The following MARCHF5 variants were observed in gnomAD, a reference collection of about 807,000 sequenced individuals.
MARCHF5 encodes E3 ubiquitin-protein ligase MARCHF5.
MARCHF5 carries 5 observed loss-of-function variants against 36.5 expected under a neutral mutation model. The ratio of observed to expected loss-of-function variants is 0.14; its 90% CI spans 0.07 to 0.29. MARCHF5 has a LOEUF of 0.29. Among genes scored for constraint, MARCHF5 ranks in the 10% least tolerant of loss-of-function variants. The pLI is 1.00. For missense variants in MARCHF5, 179 were observed against 336.3 expected (o/e 0.53, Z 3.66); for synonymous variants, 103 against 109.9 (o/e 0.94, Z 0.39).
At chr10:92,333,004 T>TA (rs766694702) in intron 2 of MARCHF5, among the ~76,000 whole-genome samples, 1 of 151,628 alleles carries the variant, frequency 6.6e-6, no homozygotes, top group Non-Finnish European at 1.5e-5. Flanking sequence ...CTACTAAAAA[T>TA]ACAAAATTAG....
intron 2 of MARCHF5, among the ~76,000 whole-genome samples, chr10:92,318,530 G>A (rs1429266787): frequency 1.3e-5 from 2 of 151,808 alleles, no homozygotes; most frequent in Non-Finnish European, 2.9e-5. Context: ...AGACCAGCCT[G>A]GGGAACATGG....
At chr10:92,300,170 A>AAAAAG (rs1196739158) in intron 1 of MARCHF5, among the ~76,000 whole-genome samples, 1 of 151,278 alleles carries the variant, frequency 6.6e-6, no homozygotes, top group African/African-American at 2.4e-5. Context: ...CTCAAAAAAA[A>AAAAAG]AAAAGAAAAG....
rs60920040 is a variant in MARCHF5 at position 92,296,000 on chromosome 10, G to A, written c.35+4471G>A. ...GCGTGATTCTCCTGCCTTAGCTTCC[G>A]GAGTAGCTGGGATTACAGGCATGTG... On this transcript the variant is annotated intron_variant, in intron 1 of 5. Transcript: ENST00000358935. Among the ~76,000 whole-genome samples, 460 of 151,414 alleles carry A rather than the reference G, an allele frequency of 3.0e-3. 1 individual carries two copies. Among genetic ancestry groups the A allele is most frequent in the African/African-American group, 0.01 (422 of 41,272 alleles).
At position 92,353,717 on chromosome 10, in the gene MARCHF5, C is replaced by G. The variant is rs1843746866; in HGVS notation, c.*2510C>G. 1 of 147,550 alleles carries G rather than the reference C, an allele frequency of 6.8e-6. No individual in the cohort carries two copies. The highest frequency in any genetic ancestry group is 2.6e-5 in the African/African-American group (1 of 38,796). 9.1% of individuals were successfully genotyped at this position (147,550 alleles called of 1,614,324 possible). ...CTGGAAACTTTAATGTTTTAAACCT[C>G]TTTTATAAAATTCAATGACGACTAC... On this transcript the variant is annotated 3_prime_UTR_variant, in exon 6 of 6. Transcript: ENST00000358935.
Position 92,351,169 on chromosome 10 carries a change from C to T in MARCHF5, c.799C>T (p.Arg267Cys), listed in dbSNP as rs199734214. Residue 267 changes from arginine to cysteine, a missense_variant, in exon 6 of 6, where the codon CGC becomes TGC. Physicochemically the swap from Arg to Cys is radical, Grantham distance 180 (BLOSUM62 -3). Transcript: ENST00000358935. ...KQQQYLRQAH[R>C]KILNYPEQEE... is the part of the protein sequence containing the mutation. Reference sequence around the variant, plus strand: ...GCAGCAATATTTACGACAGGCACACCGCAAAATTCTGAATTATCCAGAACA... The same window carrying T: ...GCAGCAATATTTACGACAGGCACACTGCAAAATTCTGAATTATCCAGAACA... The T allele has an allele frequency of 5.6e-6, 9 of 1,613,122 alleles. No homozygotes were observed. The highest frequency in any genetic ancestry group is 1.7e-6 in the Non-Finnish European group (2 of 1,179,356).
intron 2 of MARCHF5, among the ~76,000 whole-genome samples, chr10:92,323,418 T>G (rs770040525): frequency 2.0e-5 from 3 of 152,178 alleles, no homozygotes; most frequent in Non-Finnish European, 4.4e-5. Context: ...TAGTTTACAT[T>G]AGGGTTCACT....
intron 1 of MARCHF5, among the ~76,000 whole-genome samples, chr10:92,302,072 C>T (rs1041614935): frequency 2.0e-5 from 3 of 151,908 alleles, no homozygotes; most frequent in Non-Finnish European, 4.4e-5. Context: ...AAAAAAAATA[C>T]CTAATGCAGT....
At chr10:92,297,639 G>T (rs1249094360) in intron 1 of MARCHF5, among the ~76,000 whole-genome samples, 1 of 151,320 alleles carries the variant, frequency 6.6e-6, no homozygotes, top group African/African-American at 2.4e-5. Context: ...CTACAAGCAC[G>T]TGCCACCACA....
intron 2 of MARCHF5, among the ~76,000 whole-genome samples, chr10:92,328,598 C>G (rs1843397655): frequency 6.6e-6 from 1 of 151,368 alleles, no homozygotes; most frequent in Admixed American, 6.6e-5. Context: ...TCAGATATTG[C>G]TTTTCCCCCA....
chr10:92,309,317 GA>G (rs972973384), intron 1 of MARCHF5, among the ~76,000 whole-genome samples: 1 of 152,124 alleles, frequency 6.6e-6, no homozygotes, highest in Non-Finnish European at 1.5e-5. Flanking sequence ...ATCAAAATAT[GA>G]AATTTGACCT....
rs139706496 is a variant in MARCHF5, at chr10:92,340,152, A to C, written c.239-521A>C. On this transcript the variant is annotated intron_variant, in intron 2 of 5. Coordinates refer to ENST00000358935, the MANE Select transcript of MARCHF5 (RefSeq NM_017824.5). ...GAATTTGATGGAAAAAGCAAGCTGA[A>C]ATGACCATTTCACTCTACCGTGGCC... Among the ~76,000 whole-genome samples, 414 of 152,274 alleles carry C rather than the reference A, an allele frequency of 2.7e-3. 2 individuals carry two copies. The highest frequency in any genetic ancestry group is 0.018 in the East Asian group (92 of 5,188).
intron 2 of MARCHF5, among the ~76,000 whole-genome samples, chr10:92,314,409 A>G (rs1843182574): frequency 6.6e-6 from 1 of 152,220 alleles, no homozygotes; most frequent in Non-Finnish European, 1.5e-5. Flanking sequence ...TGGGAGGCCA[A>G]GGCAGGCGGA....
At chr10:92,328,033 A>G (rs1843387666) in intron 2 of MARCHF5, among the ~76,000 whole-genome samples, 1 of 152,124 alleles carries the variant, frequency 6.6e-6, no homozygotes, top group Admixed American at 6.5e-5. Context: ...TGAAACTCCT[A>G]ACTCCAAGAG....
At position 92,349,405 on chromosome 10, in the gene MARCHF5, T is replaced by C. The variant is rs776564011; in HGVS notation, c.426T>C (p.Leu142=). 1.2e-6 allele frequency: 2 copies of C among 1,614,166 alleles called. No individual in the cohort carries two copies. The highest frequency in any genetic ancestry group is 2.2e-5 in the South Asian group (2 of 91,078). ...DVMERADPLF[L]LIGLPTIPVM... ...TGGAGAGAGCTGATCCTTTATTCCT[T>C]TTAATTGGACTTCCTACTATTCCTG... is the stretch of plus-strand genomic sequence containing the variant. Residue 142 remains leucine (L), a synonymous_variant, in exon 4 of 6, where the codon CTT becomes CTC. Coordinates refer to ENST00000358935, the MANE Select transcript of MARCHF5 (RefSeq NM_017824.5).
chr10:92,345,298 G>A (rs1463095813), intron 3 of MARCHF5, among the ~76,000 whole-genome samples: 3 of 152,056 alleles, frequency 2.0e-5, no homozygotes, highest in African/African-American at 7.2e-5. Context: ...AACCCTTGAG[G>A]CCAGGAGTTG....
In MARCHF5 at chr10:92,291,521, G is replaced by A. The variant is rs765341869; in HGVS notation, c.27G>A (p.Met9Ile). The A allele has an allele frequency of 1.6e-5, 25 of 1,546,438 alleles. 1 individual carries two copies. The South Asian group carries it at 2.7e-4, about 17-fold the overall frequency. Reference sequence around the variant, plus strand: ...TGCCGGACCAAGCCCTACAGCAGATGCTGGACAGGTACGGGCAGCTGTGGG... The same window carrying A: ...TGCCGGACCAAGCCCTACAGCAGATACTGGACAGGTACGGGCAGCTGTGGG... MPDQALQQ[M>I]LDRSCWVCFA... The change falls in exon 1 of 6, where the codon ATG becomes ATA. Residue 9 changes from methionine to isoleucine, a missense_variant. Around this residue, in one of 3 missense-constraint regions of MARCHF5, gnomAD observed 18 missense variants for 16.3 expected, o/e 1.11. Transcript: ENST00000358935.
rs1842865935 is a variant in MARCHF5 at position 92,291,585 on chromosome 10, C to T, written c.35+56C>T. On this transcript the variant is annotated intron_variant, in intron 1 of 5. Coordinates refer to ENST00000358935, the MANE Select transcript of MARCHF5 (RefSeq NM_017824.5). Reference sequence around the variant, plus strand: ...CGCCGACCCTCGCTCTGGCCCTGCCCGCGCCCGCCCTCGAGGCTCTTGGTG... The same window carrying T: ...CGCCGACCCTCGCTCTGGCCCTGCCTGCGCCCGCCCTCGAGGCTCTTGGTG... The T allele has an allele frequency of 6.8e-6, 10 of 1,476,868 alleles. 1 individual carries two copies. The South Asian group carries it at 1.3e-4, about 20-fold the overall frequency. 91.5% of individuals were successfully genotyped at this position (1,476,868 alleles called of 1,614,324 possible).
At chr10:92,298,882 G>GT (rs1842978612) in intron 1 of MARCHF5, among the ~76,000 whole-genome samples, 1 of 152,000 alleles carries the variant, frequency 6.6e-6, no homozygotes, top group African/African-American at 2.4e-5. Flanking sequence ...TGTTTTCTTT[G>GT]TTTTTGTTAA....
At chr10:92,343,695 G>A (rs187800187) in intron 3 of MARCHF5, among the ~76,000 whole-genome samples, 2,154 of 152,216 alleles carry the variant, frequency 0.014, 54 homozygotes, top group African/African-American at 0.048. Flanking sequence ...TCAGCCTCCC[G>A]AGTAGCTGGG....
Sources: allele counts gnomAD v4.1 joint callset (sites outside exome capture counted in the v4.1 genomes callset), GRCh38; gene constraint gnomAD v4.1.1; regional missense constraint gnomAD v4.1.1; transcripts MANE v1.5; gene names NCBI Gene and HGNC (gene_info 2026-07-23, HGNC 2026-07-21).